The following SYT17 variants were observed in gnomAD, a reference collection of about 807,000 sequenced individuals.
SYT17 encodes the protein synaptotagmin-17.
Under a neutral mutation model 46.7 loss-of-function variants are expected in SYT17, and 22 were observed. The ratio of observed to expected loss-of-function variants is 0.47; its 90% CI spans 0.34 to 0.67. The LOEUF is 0.67. SYT17 is among the 30% of genes least tolerant of loss of function. The probability of loss-of-function intolerance (pLI) is 0.01; values close to 1 mark genes in which losing one functional copy is unlikely to be tolerated. For missense variants in SYT17, 519 were observed against 612.8 expected (o/e 0.85, Z 1.62); for synonymous variants, 251 against 248.4 (o/e 1.01, Z -0.10).
chr16:19,196,092 GAGGGACCCAAGGA>G lies in SYT17; in HGVS notation c.951+11949_951+11961del, dbSNP rs561359882. Among the ~76,000 whole-genome samples, 6 of 152,260 alleles carry G rather than the reference GAGGGACCCAAGGA, an allele frequency of 3.9e-5. No individual in the cohort carries two copies. The South Asian group carries it at 1.2e-3, about 32-fold the overall frequency. On this transcript the variant is annotated intron_variant, in intron 5 of 7. Coordinates refer to ENST00000355377, the MANE Select transcript of SYT17 (RefSeq NM_016524.4). ...AACCCAGGTGCCAGAAGGTCACAGG[GAGGGACCCAAGGA>G]AGGAATGTACCAAGAAGGAGGGAGA...
intron 7 of SYT17, among the ~76,000 whole-genome samples, chr16:19,244,650 T>G (rs904218195): frequency 2.0e-5 from 3 of 152,154 alleles, no homozygotes; most frequent in Non-Finnish European, 4.4e-5. Flanking sequence ...TCTTACTTCT[T>G]TCTTGCACCA....
intron 5 of SYT17, among the ~76,000 whole-genome samples, chr16:19,184,822 T>G (rs536188115): frequency 6.6e-6 from 1 of 152,256 alleles, no homozygotes; most frequent in Admixed American, 6.5e-5. Context: ...GAAATTGATT[T>G]TTTTGGGGAA....
At chr16:19,203,784 A>C (rs1345181704) in intron 5 of SYT17, among the ~76,000 whole-genome samples, 1 of 152,180 alleles carries the variant, frequency 6.6e-6, no homozygotes, top group Non-Finnish European at 1.5e-5. Context: ...GAAAGAGGTA[A>C]ATCTCAGGCT....
In SYT17 at chr16:19,173,516, C is replaced by A. The variant is rs141732729; in HGVS notation, c.120C>A (p.Cys40Ter). 6.2e-7 allele frequency: 1 copy of A among 1,613,702 alleles called. No individual in the cohort carries two copies. The highest frequency in any genetic ancestry group is 8.5e-7 in the Non-Finnish European group (1 of 1,179,970). The change falls in exon 3 of 8, where the codon TGC (cysteine) becomes TGA (stop). Residue 40 changes from cysteine (C) to a stop codon, truncating the protein, a stop_gained. Coordinates refer to ENST00000355377, the MANE Select transcript of SYT17 (RefSeq NM_016524.4). LOFTEE classifies it high-confidence loss of function. ...AGAAGTGCTACGAGTCCAGCTGTTG[C>A]CAGTCAAGTGAGGATGAAGTTGAAA... ...CCQKCYESSCCQSSEDEVEIL... is the reference protein window; with the variant it reads ...CCQKCYESSC
At chr16:19,204,693 T>C (rs973115926) in intron 5 of SYT17, among the ~76,000 whole-genome samples, 1 of 152,132 alleles carries the variant, frequency 6.6e-6, no homozygotes, top group African/African-American at 2.4e-5. Context: ...TGAAACATTC[T>C]GATTCCCAGG....
chr16:19,207,127 T>C lies in SYT17; in HGVS notation c.952-15918T>C, dbSNP rs537243473. Reference sequence around the variant, plus strand: ...TTGCTTCCTCTCGTGCCCTGTGATCTTTGCACACGACAGCTCCCTTTCCCC... The same window carrying C: ...TTGCTTCCTCTCGTGCCCTGTGATCCTTGCACACGACAGCTCCCTTTCCCC... On this transcript the variant is annotated intron_variant, in intron 5 of 7. Coordinates refer to ENST00000355377, the MANE Select transcript of SYT17 (RefSeq NM_016524.4). 8.5e-5 allele frequency among the ~76,000 whole-genome samples: 13 copies of C among 152,280 alleles called. 1 individual carries two copies. The highest frequency in any genetic ancestry group is 3.1e-4 in the African/African-American group (13 of 41,546).
intron 7 of SYT17, among the ~76,000 whole-genome samples, chr16:19,245,405 T>C (rs1967469799): frequency 6.6e-6 from 1 of 152,178 alleles, no homozygotes; most frequent in Admixed American, 6.5e-5. Flanking sequence ...AACCCTGAGC[T>C]AGAATGATGG....
chr16:19,240,899 T>C (rs1417812810), intron 7 of SYT17, among the ~76,000 whole-genome samples: 1 of 151,516 alleles, frequency 6.6e-6, no homozygotes, highest in African/African-American at 2.4e-5. Flanking sequence ...ACCCCAAGCA[T>C]GTGCACACCC....
At chr16:19,249,612 T>C (rs1384372041) in intron 7 of SYT17, among the ~76,000 whole-genome samples, 5 of 152,194 alleles carry the variant, frequency 3.3e-5, no homozygotes, top group Non-Finnish European at 5.9e-5. Flanking sequence ...CATTTTCTCA[T>C]GACTGTTGGT....
At chr16:19,250,924 T>C (rs532408039) in intron 7 of SYT17, among the ~76,000 whole-genome samples, 1 of 152,328 alleles carries the variant, frequency 6.6e-6, no homozygotes, top group Admixed American at 6.5e-5. Context: ...TTTCCTGCCA[T>C]ATATTCATTT....
chr16:19,201,870 T>G (rs1965480935), intron 5 of SYT17, among the ~76,000 whole-genome samples: 1 of 152,138 alleles, frequency 6.6e-6, no homozygotes, highest in Non-Finnish European at 1.5e-5. Flanking sequence ...GGATACTCAC[T>G]GTGTGACATT....
chr16:19,206,944 A>G (rs1014285401), intron 5 of SYT17, among the ~76,000 whole-genome samples: 16 of 152,098 alleles, frequency 1.1e-4, no homozygotes, highest in South Asian at 2.1e-4. Context: ...GTGATCCCCA[A>G]TGTTGGAGGT....
chr16:19,209,236 G>A (rs1287689648), intron 5 of SYT17, among the ~76,000 whole-genome samples: 1 of 151,978 alleles, frequency 6.6e-6, no homozygotes, highest in African/African-American at 2.4e-5. Context: ...ATGAATTTTG[G>A]GGAGGGAAAT....
At chr16:19,257,468 G>C (rs1695176295) in intron 7 of SYT17, among the ~76,000 whole-genome samples, 1 of 152,016 alleles carries the variant, frequency 6.6e-6, no homozygotes, top group Admixed American at 6.6e-5. Context: ...GAGTGCTCCA[G>C]TGAGAAGAGG....
chr16:19,250,359 T>TTTTGTGTG (rs375610952), intron 7 of SYT17, among the ~76,000 whole-genome samples: 1 of 132,468 alleles, frequency 7.5e-6, no homozygotes, highest in Non-Finnish European at 1.6e-5. Flanking sequence ...TCAAACATGT[T>TTTTGTGTG]TGTGTGTGTG....
intron 5 of SYT17, among the ~76,000 whole-genome samples, chr16:19,187,242 A>G (rs1401078469): frequency 1.3e-5 from 2 of 152,030 alleles, no homozygotes; most frequent in African/African-American, 2.4e-5. Flanking sequence ...GGATTTCGCT[A>G]TGTTGCCTAG....
chr16:19,227,473 GC>G (rs1966538495), intron 7 of SYT17, among the ~76,000 whole-genome samples: 1 of 152,048 alleles, frequency 6.6e-6, no homozygotes, highest in South Asian at 2.1e-4. Flanking sequence ...ACGCCACCAT[GC>G]CTGGATAATT....
intron 5 of SYT17, among the ~76,000 whole-genome samples, chr16:19,221,897 T>G (rs1966332105): frequency 6.6e-6 from 1 of 152,270 alleles, no homozygotes; most frequent in African/African-American, 2.4e-5. Flanking sequence ...ATATAATGAC[T>G]GGGAGTTACT....
intron 7 of SYT17, among the ~76,000 whole-genome samples, chr16:19,257,726 A>C (rs932115368): frequency 6.6e-6 from 1 of 151,994 alleles, no homozygotes; most frequent in African/African-American, 2.4e-5. Context: ...TCTTTTCAGG[A>C]ACAGGGGAAC....
Sources: allele counts gnomAD v4.1 joint callset (sites outside exome capture counted in the v4.1 genomes callset), GRCh38; gene constraint gnomAD v4.1.1; transcripts MANE v1.5; gene names NCBI Gene and HGNC (gene_info 2026-07-23, HGNC 2026-07-21).